Variants in RTL4 observed in about 807,000 individuals in gnomAD.
RTL4 encodes the protein retrotransposon Gag-like protein 4.
In RTL4, 4 loss-of-function variants were observed where a neutral mutation model predicts 5.3. That is an observed-to-expected ratio of 0.75 (90% CI 0.37 to 1.72). The LOEUF is 1.72. Ranked by LOEUF, RTL4 falls within the 40% of genes most tolerant of loss-of-function variation. The pLI is 0.04. For synonymous variants in RTL4, 98 were observed against 87.3 expected (o/e 1.12, Z -0.68); for missense variants, 260 against 227.1 (o/e 1.14, Z -0.93).
chrX:112,282,702 T>C, the RTL4 span, among the ~76,000 whole-genome samples: 1 of 111,900 alleles, frequency 8.9e-6, no homozygotes, highest in African/African-American at 3.2e-5. Flanking sequence ...TGCACAGGTC[T>C]TTTATCTCCT....
chrX:112,454,888 G>A (rs1405462366), exon 1 of RTL4: 1 of 1,208,842 alleles, frequency 8.3e-7, no homozygotes, highest in Non-Finnish European at 1.1e-6. Context: ...AGTGATGCCT[G>A]TACCATACTC....
chrX:112,288,411 G>A, the RTL4 span, among the ~76,000 whole-genome samples: 1 of 111,895 alleles, frequency 8.9e-6, no homozygotes, highest in Admixed American at 9.5e-5. Flanking sequence ...GCCTATTTTA[G>A]TGAGGGCACT....
At chrX:112,293,529 G>A in the RTL4 span, among the ~76,000 whole-genome samples, 3 of 111,913 alleles carry the variant, frequency 2.7e-5, no homozygotes, top group Non-Finnish European at 5.6e-5. Flanking sequence ...ATAAGAATGG[G>A]GTAACAGTTT....
the RTL4 span, among the ~76,000 whole-genome samples, chrX:112,360,480 T>C: frequency 1.8e-5 from 2 of 111,278 alleles, no homozygotes; most frequent in African/African-American, 6.5e-5. Flanking sequence ...TTTATGTTGC[T>C]TATCAAAGGA....
chrX:112,225,021 C>A, the RTL4 span, among the ~76,000 whole-genome samples: 14 of 112,115 alleles, frequency 1.2e-4, no homozygotes, highest in Non-Finnish European at 2.1e-4. Flanking sequence ...ACAACCCCAG[C>A]AGGTAATTAC....
the RTL4 span, among the ~76,000 whole-genome samples, chrX:112,253,963 C>A: frequency 8.9e-6 from 1 of 112,310 alleles, no homozygotes; most frequent in Non-Finnish European, 1.9e-5. Flanking sequence ...ACATCCTGAT[C>A]CTTGGCTATA....
chrX:112,088,126 T>C, the RTL4 span, among the ~76,000 whole-genome samples: 2 of 109,569 alleles, frequency 1.8e-5, no homozygotes, highest in Middle Eastern at 4.6e-3. Flanking sequence ...ACTGGGATTA[T>C]AGGCATGAGA....
chrX:112,130,950 T>C, the RTL4 span, among the ~76,000 whole-genome samples: 3 of 100,346 alleles, frequency 3.0e-5, no homozygotes, highest in African/African-American at 1.3e-4. Flanking sequence ...CCCGCCACCA[T>C]GCCCGGCTAA....
the RTL4 span, among the ~76,000 whole-genome samples, chrX:112,117,061 T>C: frequency 8.1e-5 from 9 of 111,599 alleles, no homozygotes; most frequent in Non-Finnish European, 1.7e-4. Context: ...AACTGTATCA[T>C]ACTTCTAAGT....
the RTL4 span, among the ~76,000 whole-genome samples, chrX:112,265,262 C>T: frequency 1.8e-5 from 2 of 112,638 alleles, no homozygotes; most frequent in Non-Finnish European, 3.8e-5. Flanking sequence ...ACTTTGCCTC[C>T]TTCATAGAGG....
the RTL4 span, among the ~76,000 whole-genome samples, chrX:112,326,560 G>T: frequency 4.3e-4 from 48 of 112,013 alleles, 1 homozygote; most frequent in South Asian, 0.018. Context: ...AAACTGCAAG[G>T]TGGCAGCGAG....
At chrX:112,137,221 A>G in the RTL4 span, among the ~76,000 whole-genome samples, 17 of 112,380 alleles carry the variant, frequency 1.5e-4, no homozygotes, top group African/African-American at 5.2e-4. Context: ...CAAGGAAGAC[A>G]TACAAATAGC....
chrX:112,457,490 A>G (rs779648657), downstream of RTL4, among the ~76,000 whole-genome samples: 67 of 111,561 alleles, frequency 6.0e-4, no homozygotes, highest in Non-Finnish European at 1.0e-3. Flanking sequence ...ACCTCCATCA[A>G]TTCTATAATA....
chrX:112,217,768 C>T, the RTL4 span, among the ~76,000 whole-genome samples: 1 of 111,662 alleles, frequency 9.0e-6, no homozygotes. Context: ...TGGCGTAATT[C>T]GAATGGTTGA....
the RTL4 span, among the ~76,000 whole-genome samples, chrX:112,448,602 A>G: frequency 3.6e-5 from 4 of 111,256 alleles, no homozygotes; most frequent in African/African-American, 9.8e-5. Flanking sequence ...CCAACTCCCA[A>G]CTAGGTGGTA....
the RTL4 span, among the ~76,000 whole-genome samples, chrX:112,283,000 A>G: frequency 1.8e-5 from 2 of 111,412 alleles, no homozygotes; most frequent in Admixed American, 1.9e-4. Context: ...AACAACTGAT[A>G]TTGGAGTTTG....
the RTL4 span, among the ~76,000 whole-genome samples, chrX:112,170,807 G>T: frequency 9.0e-6 from 1 of 111,406 alleles, no homozygotes; most frequent in African/African-American, 3.3e-5. Flanking sequence ...GTGAGAGAGG[G>T]CATCCTTGTC....
At chrX:112,159,019 G>GA in the RTL4 span, among the ~76,000 whole-genome samples, 4 of 111,882 alleles carry the variant, frequency 3.6e-5, no homozygotes, top group South Asian at 3.7e-4. Flanking sequence ...AAACTTGTTA[G>GA]AAAAAAATTG....
the RTL4 span, among the ~76,000 whole-genome samples, chrX:112,166,551 T>C: frequency 8.9e-6 from 1 of 111,878 alleles, no homozygotes; most frequent in African/African-American, 3.2e-5. Context: ...GGGGTAAAGA[T>C]GGATGTTTGG....
Sources: gnomAD v4.1 joint callset for allele counts (sites outside exome capture counted in the v4.1 genomes callset) on GRCh38, gnomAD v4.1.1 for gene constraint, MANE v1.5 for transcripts, NCBI Gene and HGNC (gene_info 2026-07-23, HGNC 2026-07-21) for gene names.